KLF9: variants seen among roughly 807,000 people sequenced by gnomAD.
KLF9 encodes the protein KLF transcription factor 9, also known as Krueppel-like factor 9.
Under a neutral mutation model 17.3 loss-of-function variants are expected in KLF9, and 2 were observed. That is an observed-to-expected ratio of 0.12 (90% confidence interval 0.05 to 0.36). The LOEUF is 0.36. KLF9 is among the 10% of genes least tolerant of loss of function. KLF9 has a pLI of 1.00. For synonymous variants in KLF9, 138 were observed against 139.2 expected, an observed-to-expected ratio of 0.99 and a Z score of 0.06; for missense variants, 226 against 333.2, an observed-to-expected ratio of 0.68 and a Z score of 2.51.
At chr9:70,410,545 G>T (rs2037304387) in intron 1 of KLF9, among the ~76,000 whole-genome samples, 1 of 152,158 alleles carries the variant, frequency 6.6e-6, no homozygotes, top group East Asian at 1.9e-4. Context: ...GGTCTATGAA[G>T]TGGCAGCTGT....
Position 70,412,233 on chromosome 9 carries a change from C to CT in KLF9, c.505+625dup, listed in dbSNP as rs1367677203. On this transcript the variant is annotated intron_variant, in intron 1 of 1. Coordinates refer to ENST00000377126, the MANE Select transcript of KLF9 (RefSeq NM_001206.4). Reference sequence around the variant, plus strand: ...AAAAAAAGTCAGCTCTGAAACCTGGCTCATCAGGAGGACTCATGAGTGAAG... The same window carrying CT: ...AAAAAAAGTCAGCTCTGAAACCTGGCTTCATCAGGAGGACTCATGAGTGAAG... Among the ~76,000 whole-genome samples, 3 of 139,288 alleles carry CT rather than the reference C, an allele frequency of 2.2e-5. No individual in the cohort carries two copies. In the East Asian group the frequency reaches 6.7e-4, roughly 31 times the overall value. The allele number at this position is 139,288 out of a possible 152,430, so 91.4% of individuals were successfully genotyped here.
intron 1 of KLF9, among the ~76,000 whole-genome samples, chr9:70,395,021 A>T (rs897983483): frequency 6.6e-6 from 1 of 152,230 alleles, no homozygotes; most frequent in Non-Finnish European, 1.5e-5. Context: ...CAACTTGCCA[A>T]GAAAATTTTG....
chr9:70,399,356 C>T (rs1564087446), intron 1 of KLF9, among the ~76,000 whole-genome samples: 1 of 152,234 alleles, frequency 6.6e-6, no homozygotes, highest in Non-Finnish European at 1.5e-5. Flanking sequence ...CTCCCCACAA[C>T]CACATAGCTA....
rs1178143474 is a variant in KLF9, at chr9:70,385,813, GTTCT to G, written c.*1959_*1962del. The G allele has an allele frequency of 1.3e-5, 2 of 152,480 alleles. No homozygotes were observed. Among genetic ancestry groups the G allele is most frequent in the Non-Finnish European group, 2.9e-5 (2 of 68,018 alleles). 9.4% of individuals were successfully genotyped at this position (152,480 alleles called of 1,614,324 possible). On this transcript the variant is annotated 3_prime_UTR_variant, in exon 2 of 2. Coordinates refer to ENST00000377126, the MANE Select transcript of KLF9 (RefSeq NM_001206.4). Reference sequence around the variant, plus strand: ...AAAATCTGAAACAGAGGTAGAAAGTGTTCTTTATTTTTCCTGACATGTTTTCTCG... The same window carrying G: ...AAAATCTGAAACAGAGGTAGAAAGTGTTATTTTTCCTGACATGTTTTCTCG...
chr9:70,402,137 G>T (rs7034715), intron 1 of KLF9, among the ~76,000 whole-genome samples: 25,389 of 152,206 alleles, frequency 0.17, 2,481 homozygotes, highest in African/African-American at 0.28. Context: ...GCTTCAGTGG[G>T]ATAATGCTCA....
chr9:70,388,651 G>A (rs1162654299), intron 1 of KLF9, among the ~76,000 whole-genome samples: 6 of 152,122 alleles, frequency 3.9e-5, no homozygotes, highest in Admixed American at 1.3e-4. Flanking sequence ...ATTTCTTGGT[G>A]TTGTAGGATG....
chr9:70,400,797 GC>G (rs2037215967), intron 1 of KLF9, among the ~76,000 whole-genome samples: 1 of 152,118 alleles, frequency 6.6e-6, no homozygotes, highest in South Asian at 2.1e-4. Context: ...TGGGCCACCA[GC>G]AGCTTTTCAA....
intron 1 of KLF9, among the ~76,000 whole-genome samples, chr9:70,393,709 C>T (rs949192885): frequency 6.6e-6 from 1 of 152,164 alleles, no homozygotes; most frequent in Non-Finnish European, 1.5e-5. Flanking sequence ...AGAGCTCAAA[C>T]AGTGCCAATT....
chr9:70,388,890 A>C (rs1160733849), intron 1 of KLF9, among the ~76,000 whole-genome samples: 2 of 152,234 alleles, frequency 1.3e-5, no homozygotes, highest in African/African-American at 4.8e-5. Context: ...CTGTAATCCC[A>C]GCACTTTGGG....
chr9:70,389,989 T>C (rs1386054324), intron 1 of KLF9, among the ~76,000 whole-genome samples: 1 of 152,230 alleles, frequency 6.6e-6, no homozygotes, highest in East Asian at 1.9e-4. Flanking sequence ...GGCTGGGAGC[T>C]GTCCAGCGTG....
intron 1 of KLF9, among the ~76,000 whole-genome samples, chr9:70,388,857 G>T (rs2118905856): frequency 6.6e-6 from 1 of 152,272 alleles, no homozygotes; most frequent in South Asian, 2.1e-4. Context: ...GTAAGTTTGT[G>T]CCAGGTGTGT....
At position 70,387,628 on chromosome 9, in the gene KLF9, G is replaced by A. The variant is rs2037122977; in HGVS notation, c.*148C>T. The stretch of plus-strand genomic sequence containing the variant: ...GTGCTTTTTAAAAACAATGCAGGGA[G>A]AGGAAAATCAGAATATTGACCAAAG... On this transcript the variant is annotated 3_prime_UTR_variant, in exon 2 of 2. Transcript: ENST00000377126. 4 of 658,190 alleles carry A rather than the reference G, an allele frequency of 6.1e-6. No individual in the cohort carries two copies. Among genetic ancestry groups the A allele is most frequent in the African/African-American group, 3.6e-5 (2 of 55,402 alleles). The allele number at this position is 658,190 out of a possible 1,614,324, so 40.8% of individuals were successfully genotyped here. A position where few individuals can be genotyped will look rare whatever the true frequency, so the allele number is the denominator to read the frequency against.
intron 1 of KLF9, among the ~76,000 whole-genome samples, chr9:70,398,799 G>T (rs1263661298): frequency 6.6e-6 from 1 of 151,844 alleles, no homozygotes. Flanking sequence ...GCTGACAACA[G>T]ATTCTTGCCT....
intron 1 of KLF9, among the ~76,000 whole-genome samples, chr9:70,406,256 C>T (rs1212026031): frequency 6.6e-6 from 1 of 152,120 alleles, no homozygotes; most frequent in Non-Finnish European, 1.5e-5. Flanking sequence ...TACCTAGTAC[C>T]CTCATGAGCT....
intron 1 of KLF9, among the ~76,000 whole-genome samples, chr9:70,407,200 C>T (rs1208310495): frequency 6.6e-6 from 1 of 152,164 alleles, no homozygotes; most frequent in African/African-American, 2.4e-5. Context: ...CTGGGAATTT[C>T]CCACAGATGT....
chr9:70,386,701 T>G lies in KLF9; in HGVS notation c.*1075A>C, dbSNP rs1243931962. On this transcript the variant is annotated 3_prime_UTR_variant, in exon 2 of 2. Transcript: ENST00000377126. ...TCAAAAGCTCTCTCCCCTAGTGGCA[T>G]TAGGATACAATAATGATGTTAACTA... 1 of 152,566 alleles carries G rather than the reference T, an allele frequency of 6.6e-6. No homozygotes were observed. 9.5% of individuals were successfully genotyped at this position (152,566 alleles called of 1,614,324 possible). A position where few individuals can be genotyped will look rare whatever the true frequency, so the allele number is the denominator to read the frequency against.
intron 1 of KLF9, among the ~76,000 whole-genome samples, chr9:70,397,907 T>A (rs146254512): frequency 5.9e-5 from 9 of 152,244 alleles, no homozygotes; most frequent in African/African-American, 2.2e-4. Flanking sequence ...TCCATTACCC[T>A]CATGTGCAGA....
chr9:70,412,186 CAAAAAAAAAAAAAAA>C (rs10644898), intron 1 of KLF9, among the ~76,000 whole-genome samples: 3 of 47,122 alleles, frequency 6.4e-5, no homozygotes, highest in East Asian at 1.0e-3. Context: ...GTCACATGGC[CAAAAAAAAAAAAAAA>C]AAAAAAAAAA....
At chr9:70,396,518 G>A (rs903416422) in intron 1 of KLF9, among the ~76,000 whole-genome samples, 1 of 152,164 alleles carries the variant, frequency 6.6e-6, no homozygotes, top group African/African-American at 2.4e-5. Flanking sequence ...GCTGGCTGAG[G>A]TGGTTCATGC....
Sources: gnomAD v4.1 joint callset for allele counts (sites outside exome capture counted in the v4.1 genomes callset) on GRCh38, gnomAD v4.1.1 for gene constraint, MANE v1.5 for transcripts, NCBI Gene and HGNC (gene_info 2026-07-23, HGNC 2026-07-21) for gene names.